DNAH3: variants seen among roughly 807,000 people sequenced by gnomAD.
DNAH3 encodes dynein axonemal heavy chain 3.
A neutral mutation model predicts 432.5 loss-of-function variants in DNAH3; 332 were observed. That is an observed-to-expected ratio of 0.77 (90% CI 0.70 to 0.84). DNAH3 has a LOEUF of 0.84. Among genes scored for constraint, DNAH3 ranks in the 40% least tolerant of loss-of-function variants. The pLI is 0.00. For missense variants in DNAH3, 4,861 were observed against 5,114.0 expected (o/e 0.95, Z 1.51); for synonymous variants, 1,956 against 1,900.2 (o/e 1.03, Z -0.76).
intron 40 of DNAH3, among the ~76,000 whole-genome samples, chr16:21,021,137 G>A (rs984598351): frequency 2.0e-5 from 3 of 152,186 alleles, no homozygotes; most frequent in Admixed American, 6.5e-5. Context: ...TTCATCCATC[G>A]GTAGACACAT....
At chr16:21,008,509 C>G (rs563547991) in intron 41 of DNAH3, among the ~76,000 whole-genome samples, 1 of 152,222 alleles carries the variant, frequency 6.6e-6, no homozygotes, top group South Asian at 2.1e-4. Flanking sequence ...GTGATGTGCC[C>G]CACTCCCGAA....
At chr16:21,040,813 T>G (rs75659110) in intron 32 of DNAH3, among the ~76,000 whole-genome samples, 4 of 152,308 alleles carry the variant, frequency 2.6e-5, no homozygotes, top group Non-Finnish European at 5.9e-5. Context: ...AGAATGCAAC[T>G]GAAGTGCTTG....
intron 36 of DNAH3, 84 bp downstream of exon 36, chr16:21,033,890 T>C (rs2089022994): frequency 2.2e-6 from 2 of 901,662 alleles, no homozygotes; most frequent in Non-Finnish European, 3.5e-6. Context: ...CTGACAAGAC[T>C]AGCAGCCTGG....
At chr16:21,138,540 G>A (rs1296532593) in intron 5 of DNAH3, among the ~76,000 whole-genome samples, 1 of 151,992 alleles carries the variant, frequency 6.6e-6, no homozygotes, top group Non-Finnish European at 1.5e-5. Context: ...GGCTGGGTGC[G>A]GTGGCTCACG....
chr16:21,042,939 G>C, intron 31 of DNAH3, among the ~76,000 whole-genome samples: 1 of 152,038 alleles, frequency 6.6e-6, no homozygotes, highest in Non-Finnish European at 1.5e-5. Flanking sequence ...TTTTGTTCTT[G>C]CGATAGTTTA....
chr16:21,060,166 G>C lies in DNAH3; in HGVS notation c.3813+98C>G, dbSNP rs1170045435. ...GCAGAGGGACAGGTTTTGGTAGAAA[G>C]CAGAGGGTCCAGCCAAACTACTGAC... On this transcript the variant is annotated intron_variant, in intron 26 of 61. Transcript: ENST00000261383. 6 of 951,984 alleles carry C rather than the reference G, an allele frequency of 6.3e-6. No individual in the cohort carries two copies. In the East Asian group the frequency reaches 1.4e-4, roughly 23 times the overall value. The allele number at this position is 951,984 out of a possible 1,614,324, so 59.0% of individuals were successfully genotyped here.
At chr16:20,950,634 C>T (rs1425648949) in intron 56 of DNAH3, among the ~76,000 whole-genome samples, 1 of 152,166 alleles carries the variant, frequency 6.6e-6, no homozygotes, top group African/African-American at 2.4e-5. Flanking sequence ...GGGATTCTAA[C>T]AAACTCCTTA....
chr16:20,987,554 A>C (rs764491300), intron 46 of DNAH3, 106 bp from the exon 47 acceptor site: 21 of 1,540,812 alleles, frequency 1.4e-5, no homozygotes, highest in Non-Finnish European at 1.8e-5. Flanking sequence ...TGAACTAGAT[A>C]ATGTTTATAA....
intron 23 of DNAH3, among the ~76,000 whole-genome samples, chr16:21,067,799 G>GAGAGAGAGAGAGAGAGAGAGAGAGAGAA (rs2090623584): frequency 7.2e-6 from 1 of 139,460 alleles, no homozygotes; most frequent in Non-Finnish European, 1.6e-5. Context: ...GAGAGAGAGA[G>GAGAGAGAGAGAGAGAGAGAGAGAGAGAA]AGACTGACTA....
chr16:21,079,455 C>G (rs936895495), intron 20 of DNAH3, among the ~76,000 whole-genome samples: 15 of 152,032 alleles, frequency 9.9e-5, no homozygotes, highest in African/African-American at 3.4e-4. Flanking sequence ...GAAACCCCAT[C>G]TCTACAAAAA....
At position 21,140,720 on chromosome 16, in the gene DNAH3, A is replaced by G. The variant is rs1261007664; in HGVS notation, c.522-10T>C. ...GAAGGCCAACTTGATCCTGAAAAGTAGACACAGCTCAGCCCTTGGTGTTTG... is the reference window on the plus strand; with the variant it reads ...GAAGGCCAACTTGATCCTGAAAAGTGGACACAGCTCAGCCCTTGGTGTTTG... On this transcript the variant is annotated splice_polypyrimidine_tract_variant and intron_variant, in intron 4 of 61. Transcript: ENST00000261383. The G allele has an allele frequency of 6.2e-7, 1 of 1,613,618 alleles. No homozygotes were observed. Among genetic ancestry groups the G allele is most frequent in the Non-Finnish European group, 8.5e-7 (1 of 1,179,778 alleles).
chr16:20,993,468 T>C (rs2086640708), intron 44 of DNAH3, among the ~76,000 whole-genome samples: 1 of 152,202 alleles, frequency 6.6e-6, no homozygotes, highest in Admixed American at 6.5e-5. Context: ...GTCTCTGAGT[T>C]TGTGCATGTT....
intron 4 of DNAH3, among the ~76,000 whole-genome samples, 162 bp from the exon 6 acceptor site, chr16:21,140,872 T>C (rs748663746): frequency 3.3e-5 from 5 of 152,204 alleles, no homozygotes; most frequent in Non-Finnish European, 7.3e-5. Flanking sequence ...ATGACCCTAA[T>C]GACTGAACAC....
At chr16:21,108,724 C>CA (rs1339208649) in intron 14 of DNAH3, among the ~76,000 whole-genome samples, 2 of 152,106 alleles carry the variant, frequency 1.3e-5, no homozygotes, top group Non-Finnish European at 2.9e-5. Context: ...GTCTGGGCAA[C>CA]AGAGTAAGAC....
At chr16:21,153,970 A>G (rs2092881830) in intron 1 of DNAH3, among the ~76,000 whole-genome samples, 1 of 152,216 alleles carries the variant, frequency 6.6e-6, no homozygotes, top group South Asian at 2.1e-4. Context: ...ACGGTTTCAA[A>G]TAGCATTTGG....
At chr16:21,048,333 G>A (rs1420376092) in intron 31 of DNAH3, among the ~76,000 whole-genome samples, 2 of 152,188 alleles carry the variant, frequency 1.3e-5, no homozygotes, top group Admixed American at 6.5e-5. Context: ...GCGAGACTCC[G>A]TGGGCGTAGG....
chr16:20,989,086 C>T (rs2086394514), intron 44 of DNAH3, among the ~76,000 whole-genome samples: 1 of 152,214 alleles, frequency 6.6e-6, no homozygotes, highest in African/African-American at 2.4e-5. Flanking sequence ...AAAGCTTCCA[C>T]AGTGCGGAAA....
At chr16:21,081,131 C>A (rs989824887) in intron 20 of DNAH3, among the ~76,000 whole-genome samples, 2 of 152,052 alleles carry the variant, frequency 1.3e-5, no homozygotes, top group African/African-American at 4.8e-5. Flanking sequence ...GTTGGCCAGG[C>A]TGGTCTTGAA....
At chr16:20,946,413 C>T (rs978396922) in intron 57 of DNAH3, among the ~76,000 whole-genome samples, 1 of 152,154 alleles carries the variant, frequency 6.6e-6, no homozygotes, top group Non-Finnish European at 1.5e-5. Context: ...TGATGCCTCG[C>T]GTCTCCCTAA....
Sources: allele counts gnomAD v4.1 joint callset (sites outside exome capture counted in the v4.1 genomes callset), GRCh38; gene constraint gnomAD v4.1.1; transcripts MANE v1.5; gene names NCBI Gene and HGNC (gene_info 2026-07-23, HGNC 2026-07-21).